Variants in PFKFB2 observed in about 807,000 individuals in gnomAD.
The protein encoded by PFKFB2 is 6-phosphofructo-2-kinase/fructose-2,6-biphosphatase 2, also known as 6-phosphofructo-2-kinase/fructose-2,6-bisphosphatase 2.
PFKFB2 carries 53 observed loss-of-function variants against 68.0 expected under a neutral mutation model. The ratio of observed to expected loss-of-function variants is 0.78; its 90% CI spans 0.63 to 0.98. The LOEUF (loss-of-function observed/expected upper bound fraction) is 0.98. Ranked by LOEUF, PFKFB2 falls within the 50% of genes least tolerant of loss-of-function variation. PFKFB2 has a pLI of 0.00. For synonymous variants in PFKFB2, 222 were observed against 227.6 expected, an observed-to-expected ratio of 0.98 and a Z score of 0.22; for missense variants, 451 against 642.0, an observed-to-expected ratio of 0.70 and a Z score of 3.22.
intron 1 of PFKFB2, among the ~76,000 whole-genome samples, chr1:207,037,663 A>G (rs566804727): frequency 3.3e-5 from 5 of 152,276 alleles, no homozygotes; most frequent in South Asian, 2.1e-4. Flanking sequence ...GAATCAGTAA[A>G]TGTCACTTTT....
intron 2 of PFKFB2, among the ~76,000 whole-genome samples, chr1:207,061,165 T>TTATATATATATATATATATATATATA (rs201702529): frequency 4.4e-5 from 2 of 45,208 alleles, no homozygotes; most frequent in Non-Finnish European, 4.2e-5. Context: ...ATATATATCT[T>TTATATATATATATATATATATATATA]TATATATATA....
In PFKFB2 at chr1:207,070,465, A is replaced by G. The variant is rs769791868; in HGVS notation, c.1222+56A>G. 8 of 1,581,342 alleles carry G rather than the reference A, an allele frequency of 5.1e-6. No homozygotes were observed. In the Admixed American group the frequency reaches 5.2e-5, roughly 10 times the overall value. On this transcript the variant is annotated intron_variant, in intron 12 of 14. Transcript: ENST00000367080. This position sits in a 1 kb window ranked among gnomAD's most constrained non-coding sequence, Gnocchi z 4.2. ...TCCAGTGGGAGAGGGCTGGACTTGC[A>G]GTGGCACCAGGATTCCTGGGAAACA...
chr1:207,054,886 G>A (rs747198574), intron 2 of PFKFB2, 84 bp downstream of exon 2: 62 of 895,512 alleles, frequency 6.9e-5, no homozygotes, highest in Non-Finnish European at 1.1e-4. Flanking sequence ...TCTGCTGCTT[G>A]GTGGGAGTGA....
intron 1 of PFKFB2, among the ~76,000 whole-genome samples, chr1:207,035,683 C>A (rs1008821513): frequency 7.5e-6 from 1 of 132,504 alleles, no homozygotes; most frequent in African/African-American, 4.3e-5. Flanking sequence ...ACAAAAAAAA[C>A]AAAAAAAGAA....
Position 207,072,286 on chromosome 1 carries a change from G to A in PFKFB2, c.1433G>A (p.Arg478His), listed in dbSNP as rs779972554. The change falls in exon 15 of 15, where the codon CGT (arginine) becomes CAT (histidine). Residue 478 changes from arginine to histidine, a missense_variant. Coordinates refer to ENST00000367080, the MANE Select transcript of PFKFB2 (RefSeq NM_006212.2). ...TPLSSSNTIR[R>H]PRNYSVGSRP... ...CTGTCCAGTTCGAATACAATAAGGC[G>A]TCCAAGAAATTACAGTGTTGGGAGC... 1.4e-5 allele frequency: 22 copies of A among 1,614,068 alleles called. No homozygotes were observed. The highest frequency in any genetic ancestry group is 5.0e-5 in the Admixed American group (3 of 60,002).
At chr1:207,062,767 A>G (rs372557808) in intron 4 of PFKFB2, 51 bp downstream of exon 4, 45 of 1,551,030 alleles carry the variant, frequency 2.9e-5, no homozygotes, top group Non-Finnish European at 3.9e-5. Flanking sequence ...CTTGGCCGTC[A>G]TGAGACTTGG....
chr1:207,066,264 A>T (rs1319735353), intron 8 of PFKFB2, among the ~76,000 whole-genome samples: 1 of 152,244 alleles, frequency 6.6e-6, no homozygotes, highest in African/African-American at 2.4e-5. Flanking sequence ...TGGTGTACAC[A>T]TGGAAATCTG....
intron 2 of PFKFB2, among the ~76,000 whole-genome samples, chr1:207,061,197 A>T (rs60349307): frequency 1.7e-5 from 2 of 117,578 alleles, no homozygotes; most frequent in African/African-American, 6.7e-5. Context: ...ATATATATAT[A>T]TATATTTTAA....
At chr1:207,034,570 G>GT (rs1682341674) in intron 1 of PFKFB2, 1 of 152,214 alleles carries the variant, frequency 6.6e-6, no homozygotes, top group African/African-American at 2.4e-5. Context: ...AACAGACACA[G>GT]TTTTTCAGTT....
At chr1:207,078,155 G>A (rs539381779), downstream of PFKFB2, among the ~76,000 whole-genome samples, 13 of 152,184 alleles carry the variant, frequency 8.5e-5, no homozygotes, top group Admixed American at 6.6e-4. Flanking sequence ...GAAAACTTTT[G>A]GAGATTTTTT....
chr1:207,071,745 T>TA (rs1683472040), intron 14 of PFKFB2, among the ~76,000 whole-genome samples, 172 bp downstream of exon 14: 1 of 151,972 alleles, frequency 6.6e-6, no homozygotes. Context: ...ATTTTTTTTT[T>TA]AAATTAGTAC....
intron 2 of PFKFB2, chr1:207,047,682 G>T (rs1325829406): frequency 6.6e-6 from 1 of 152,524 alleles, no homozygotes; most frequent in Non-Finnish European, 1.5e-5. Flanking sequence ...AGTTTTAGAG[G>T]GTGTGCCTTG....
At chr1:207,052,285 T>C (rs775039662), upstream of PFKFB2, 1 of 1,523,958 alleles carries the variant, frequency 6.6e-7, no homozygotes, top group African/African-American at 1.4e-5. Context: ...GCAATTTTCC[T>C]CCTTGGTTCT....
In PFKFB2 at chr1:207,073,794, C is replaced by T; in HGVS notation, c.*1423C>T. 1 of 985,266 alleles carries T rather than the reference C, an allele frequency of 1.0e-6. No individual in the cohort carries two copies. Among genetic ancestry groups the T allele is most frequent in the Non-Finnish European group, 1.2e-6 (1 of 829,798 alleles). The allele number at this position is 985,266 out of a possible 1,614,324, so 61.0% of individuals were successfully genotyped here. On this transcript the variant is annotated 3_prime_UTR_variant, in exon 15 of 15. Transcript: ENST00000367080. The stretch of plus-strand genomic sequence containing the variant: ...CTTGATGACCATGATGGCTTATTCT[C>T]TTTCCCAATTTTGCATGCAAAATGT...
upstream of PFKFB2, chr1:207,051,134 C>T (rs1682741893): frequency 1.4e-6 from 2 of 1,420,650 alleles, no homozygotes; most frequent in Non-Finnish European, 1.8e-6. Flanking sequence ...ACTGATTTTT[C>T]CCCCACCCTC....
At chr1:207,080,590 TCAGA>T (rs1186102790), downstream of PFKFB2, 1 of 152,354 alleles carries the variant, frequency 6.6e-6, no homozygotes, top group Non-Finnish European at 1.5e-5. Flanking sequence ...CTTTTGATGA[TCAGA>T]CAATGTTTAT....
At chr1:207,055,021 C>G (rs1254308112) in intron 2 of PFKFB2, 1 of 481,174 alleles carries the variant, frequency 2.1e-6, no homozygotes, top group Non-Finnish European at 3.8e-6. Flanking sequence ...CCAGCAGTTT[C>G]TTACTGCTTT....
At position 207,073,663 on chromosome 1, in the gene PFKFB2, C is replaced by T. The variant is rs1030519234; in HGVS notation, c.*1292C>T. 3.0e-6 allele frequency: 3 copies of T among 984,556 alleles called. No individual in the cohort carries two copies. The highest frequency in any genetic ancestry group is 3.6e-6 in the Non-Finnish European group (3 of 829,276). 61.0% of individuals were successfully genotyped at this position (984,556 alleles called of 1,614,324 possible). ...GATGTCCAGAGAAGTCCTTGGAACCCTGTGGGATCTAGCTCGTAACTGTTT... is the reference window on the plus strand; with the variant it reads ...GATGTCCAGAGAAGTCCTTGGAACCTTGTGGGATCTAGCTCGTAACTGTTT... On this transcript the variant is annotated 3_prime_UTR_variant, in exon 15 of 15. Transcript: ENST00000367080.
chr1:207,040,459 A>G (rs143555970), intron 1 of PFKFB2, among the ~76,000 whole-genome samples: 4 of 152,342 alleles, frequency 2.6e-5, no homozygotes, highest in African/African-American at 9.6e-5. Context: ...AGAGAAGTTA[A>G]AAGAGTGGCA....
Sources: allele counts gnomAD v4.1 joint callset (sites outside exome capture counted in the v4.1 genomes callset), GRCh38; gene constraint gnomAD v4.1.1; non-coding constraint Gnocchi (gnomAD v3.1); transcripts MANE v1.5; gene names NCBI Gene and HGNC (gene_info 2026-07-23, HGNC 2026-07-21).